PLXNA2: variants seen among roughly 807,000 people sequenced by gnomAD.
The protein encoded by PLXNA2 is plexin A2.
Under a neutral mutation model 193.5 loss-of-function variants are expected in PLXNA2, and 91 were observed. That is an observed-to-expected ratio of 0.47 (90% CI 0.40 to 0.56). The LOEUF (loss-of-function observed/expected upper bound fraction) is 0.56. Among genes scored for constraint, PLXNA2 ranks in the 20% least tolerant of loss-of-function variants. PLXNA2 has a pLI of 0.00. For missense variants in PLXNA2, 1,995 were observed against 2,503.2 expected (o/e 0.80, Z 4.33); for synonymous variants, 997 against 1,027.3 (o/e 0.97, Z 0.56).
chr1:208,060,903 C>T (rs1665599629), intron 12 of PLXNA2, 66 bp from the exon 13 acceptor site: 1 of 1,505,718 alleles, frequency 6.6e-7, no homozygotes. Flanking sequence ...AGCACCCTTC[C>T]CCCTCCCCCA....
At chr1:208,164,636 A>C (rs1669237284) in intron 3 of PLXNA2, among the ~76,000 whole-genome samples, 2 of 152,198 alleles carry the variant, frequency 1.3e-5, no homozygotes, top group Admixed American at 1.3e-4. Flanking sequence ...ATCTTTGAAA[A>C]CACCTAAGAT....
chr1:208,219,000 G>A (rs1290331878), intron 1 of PLXNA2, among the ~76,000 whole-genome samples: 1 of 152,198 alleles, frequency 6.6e-6, no homozygotes, highest in African/African-American at 2.4e-5. Flanking sequence ...GGGTGGTGAG[G>A]TGAGATTCAG....
In PLXNA2 at chr1:208,096,884, C is replaced by T; in HGVS notation, c.1732-1G>A. 6.2e-7 allele frequency: 1 copy of T among 1,612,792 alleles called. No individual in the cohort carries two copies. The highest frequency in any genetic ancestry group is 2.2e-5 in the East Asian group (1 of 44,850). On this transcript the variant is annotated splice_acceptor_variant, in intron 6 of 31. Coordinates refer to ENST00000367033, the MANE Select transcript of PLXNA2 (RefSeq NM_025179.4). LOFTEE classifies it high-confidence loss of function. ...GAGCATCACTCACTACCAGGCTAAG[C>T]TGTGGGAGGAGCAAAGAGATGATGC...
At chr1:208,104,163 TC>T (rs1667187275) in intron 4 of PLXNA2, among the ~76,000 whole-genome samples, 1 of 151,918 alleles carries the variant, frequency 6.6e-6, no homozygotes, top group South Asian at 2.1e-4. Flanking sequence ...GGCATAGAGG[TC>T]CCCCACCTAC....
chr1:208,099,805 G>C (rs770380611), intron 5 of PLXNA2, among the ~76,000 whole-genome samples: 1 of 151,946 alleles, frequency 6.6e-6, no homozygotes, highest in Non-Finnish European at 1.5e-5. Flanking sequence ...TCCTGATCTC[G>C]TGATCCACCT....
Position 208,028,031 on chromosome 1 carries a change from T to C in PLXNA2, c.5567A>G (p.Tyr1856Cys), listed in dbSNP as rs1664391225. Residue 1856 changes from tyrosine to cysteine, a missense_variant, in exon 31 of 32, where the codon TAT becomes TGT. Coordinates refer to ENST00000367033, the MANE Select transcript of PLXNA2 (RefSeq NM_025179.4). The surrounding 1 kb of genome is among the most constrained non-coding windows in gnomAD (Gnocchi z 4.2). ...MLSALNEIYS[Y>C]VSKYSEELIG... ...CACCTCCTCACTATACTTGCTGACATAGGAGTAGATCTCATTGAGGGCACT... is the reference window on the plus strand; with the variant it reads ...CACCTCCTCACTATACTTGCTGACACAGGAGTAGATCTCATTGAGGGCACT... The C allele has an allele frequency of 1.2e-6, 2 of 1,608,620 alleles. No individual in the cohort carries two copies. Among genetic ancestry groups the C allele is most frequent in the Non-Finnish European group, 8.5e-7 (1 of 1,177,430 alleles).
chr1:208,164,754 G>T (rs775189850), intron 3 of PLXNA2, among the ~76,000 whole-genome samples: 1 of 152,194 alleles, frequency 6.6e-6, no homozygotes, highest in African/African-American at 2.4e-5. Context: ...CTGGGCGTCA[G>T]TCCGGCAGCG....
chr1:208,033,458 G>A lies in PLXNA2; in HGVS notation c.4916C>T (p.Pro1639Leu), dbSNP rs749977479. 5.0e-6 allele frequency: 8 copies of A among 1,613,224 alleles called. No individual in the cohort carries two copies. The highest frequency in any genetic ancestry group is 1.7e-5 in the Admixed American group (1 of 59,996). Residue 1639 changes from proline to leucine, a missense_variant, in exon 28 of 32, where the codon CCG becomes CTG. Transcript: ENST00000367033. The part of the protein sequence containing the change: ...GSPDSLRSRA[P>L]MITPDLESGV... Reference sequence around the variant, plus strand: ...ACTTTCCAGGTCTGGGGTGATCATCGGGGCCCGGGACCGCAGGCTGTCGGG... The same window carrying A: ...ACTTTCCAGGTCTGGGGTGATCATCAGGGCCCGGGACCGCAGGCTGTCGGG...
intron 9 of PLXNA2, among the ~76,000 whole-genome samples, chr1:208,086,937 GTC>G (rs1187880919): frequency 1.6e-5 from 2 of 128,786 alleles, no homozygotes; most frequent in Non-Finnish European, 3.4e-5. Flanking sequence ...GGGTATAATG[GTC>G]TCTCTCGCAC....
At chr1:208,080,955 C>T (rs950687445) in intron 11 of PLXNA2, among the ~76,000 whole-genome samples, 4 of 152,208 alleles carry the variant, frequency 2.6e-5, no homozygotes, top group African/African-American at 4.8e-5. Context: ...TGGTCCTCTC[C>T]ACCCAGCCCA....
chr1:208,113,674 T>G (rs1271010631), intron 4 of PLXNA2, among the ~76,000 whole-genome samples: 1 of 149,934 alleles, frequency 6.7e-6, no homozygotes, highest in Non-Finnish European at 1.5e-5. Context: ...CTCAGCCTCC[T>G]GAGTAGCTGA....
At position 208,038,782 on chromosome 1, in the gene PLXNA2, C is replaced by A; in HGVS notation, c.4660+43G>T. On this transcript the variant is annotated intron_variant, in intron 25 of 31. Coordinates refer to ENST00000367033, the MANE Select transcript of PLXNA2 (RefSeq NM_025179.4). The surrounding 1 kb of genome is among the most constrained non-coding windows in gnomAD (Gnocchi z 4.1). ...GTGCATGGCAGCTTCCCTTCCTTCA[C>A]CTCTCAACCCCTGCCCTCACACTCT... is the stretch of plus-strand genomic sequence containing the variant. 6.3e-7 allele frequency: 1 copy of A among 1,593,732 alleles called. No homozygotes were observed. Among genetic ancestry groups the A allele is most frequent in the South Asian group, 1.1e-5 (1 of 88,244 alleles).
chr1:208,104,623 C>T (rs1056499877), intron 4 of PLXNA2, among the ~76,000 whole-genome samples: 1 of 152,036 alleles, frequency 6.6e-6, no homozygotes, highest in South Asian at 2.1e-4. Flanking sequence ...TGAGCGAAAG[C>T]GATCATGGAT....
chr1:208,238,793 T>C (rs1423347580), intron 1 of PLXNA2, among the ~76,000 whole-genome samples: 1 of 152,204 alleles, frequency 6.6e-6, no homozygotes, highest in African/African-American at 2.4e-5. Context: ...AATCTGTATT[T>C]AGGGAGTTGG....
intron 4 of PLXNA2, among the ~76,000 whole-genome samples, chr1:208,106,894 A>G (rs1200075183): frequency 6.6e-6 from 1 of 152,212 alleles, no homozygotes; most frequent in Admixed American, 6.5e-5. Flanking sequence ...ACAGATGAAG[A>G]GCATTCCAGG....
chr1:208,174,413 G>T (rs1248261330), intron 3 of PLXNA2, among the ~76,000 whole-genome samples: 1 of 152,126 alleles, frequency 6.6e-6, no homozygotes, highest in Non-Finnish European at 1.5e-5. Context: ...CGCCGCGGGT[G>T]GGGGTGGGAG....
intron 3 of PLXNA2, among the ~76,000 whole-genome samples, chr1:208,179,004 C>T (rs1221394732): frequency 1.3e-5 from 2 of 152,198 alleles, no homozygotes; most frequent in African/African-American, 4.8e-5. Flanking sequence ...CACAAAGGGG[C>T]CTTCCCCCTT....
At chr1:208,189,123 T>C (rs1670096973) in intron 3 of PLXNA2, among the ~76,000 whole-genome samples, 1 of 152,228 alleles carries the variant, frequency 6.6e-6, no homozygotes, top group Non-Finnish European at 1.5e-5. Context: ...ACAAGGCATC[T>C]TGGGGATCCC....
intron 3 of PLXNA2, among the ~76,000 whole-genome samples, chr1:208,152,706 CA>C (rs1668805777): frequency 6.6e-6 from 1 of 151,774 alleles, no homozygotes; most frequent in African/African-American, 2.4e-5. Flanking sequence ...CACACACACA[CA>C]CACACACACA....
Sources: gnomAD v4.1 joint callset for allele counts (sites outside exome capture counted in the v4.1 genomes callset) on GRCh38, gnomAD v4.1.1 for gene constraint, Gnocchi (gnomAD v3.1) non-coding constraint, MANE v1.5 for transcripts, NCBI Gene and HGNC (gene_info 2026-07-23, HGNC 2026-07-21) for gene names.